The following PPP4R3B variants were observed in gnomAD, a reference collection of about 807,000 sequenced individuals.
PPP4R3B encodes serine/threonine-protein phosphatase 4 regulatory subunit 3B.
PPP4R3B carries 52 observed loss-of-function variants against 95.4 expected under a neutral mutation model. The ratio of observed to expected loss-of-function variants is 0.54; its 90% CI spans 0.44 to 0.69. The LOEUF (loss-of-function observed/expected upper bound fraction) is 0.69. Ranked by LOEUF, PPP4R3B falls within the 30% of genes least tolerant of loss-of-function variation. The pLI is 0.00. For synonymous variants in PPP4R3B, 407 were observed against 343.9 expected (o/e 1.18, Z -2.03); for missense variants, 1,003 against 1,005.9 (o/e 1.00, Z 0.04).
intron 15 of PPP4R3B, among the ~76,000 whole-genome samples, chr2:55,562,378 C>T (rs774379010): frequency 6.6e-5 from 10 of 152,130 alleles, no homozygotes; most frequent in Admixed American, 1.3e-4. Flanking sequence ...GCCGAGATCA[C>T]GCCACTGCAC....
intron 12 of PPP4R3B, among the ~76,000 whole-genome samples, chr2:55,568,602 T>TAACAAC (rs533347598): frequency 6.6e-6 from 1 of 152,116 alleles, no homozygotes; most frequent in African/African-American, 2.4e-5. Context: ...TAGCCAGAAC[T>TAACAAC]AACAACAACA....
At chr2:55,599,269 C>A (rs1024131218) in intron 3 of PPP4R3B, among the ~76,000 whole-genome samples, 2 of 151,904 alleles carry the variant, frequency 1.3e-5, no homozygotes, top group Admixed American at 1.3e-4. Context: ...GAAACCCCAA[C>A]TCCACTAAAA....
intron 9 of PPP4R3B, among the ~76,000 whole-genome samples, chr2:55,578,721 T>C (rs1235069820): frequency 6.6e-6 from 1 of 152,092 alleles, no homozygotes; most frequent in Non-Finnish European, 1.5e-5. Context: ...TACTCAGAAA[T>C]GGAACTGATA....
chr2:55,570,803 G>T (rs181644302), intron 12 of PPP4R3B, among the ~76,000 whole-genome samples: 2 of 152,276 alleles, frequency 1.3e-5, no homozygotes, highest in African/African-American at 4.8e-5. Flanking sequence ...AAACAAGTAT[G>T]GGGAGACGTG....
intron 8 of PPP4R3B, 73 bp from the exon 9 acceptor site, chr2:55,579,854 A>T (rs780563400): frequency 2.2e-6 from 2 of 893,264 alleles, no homozygotes; most frequent in Non-Finnish European, 3.4e-6. Flanking sequence ...AGCAGTACAT[A>T]CCTTTTCCAG....
chr2:55,558,320 G>A (rs547133541), intron 16 of PPP4R3B, among the ~76,000 whole-genome samples: 6 of 152,266 alleles, frequency 3.9e-5, no homozygotes, highest in South Asian at 2.1e-4. Flanking sequence ...AGGGAGGAAG[G>A]ATGCTTACAT....
In PPP4R3B at chr2:55,588,835, C is replaced by T. The variant is rs1474515705; in HGVS notation, c.999+44G>A. On this transcript the variant is annotated intron_variant, in intron 5 of 16. Coordinates refer to ENST00000616407, the MANE Select transcript of PPP4R3B (RefSeq NM_001122964.3). ...ATTCAAGATTAAAAGCTGTGCATGC[C>T]AAAAGAATAAGTGCTCTTTAAGAGT... is the stretch of plus-strand genomic sequence containing the variant. 4.4e-6 allele frequency: 6 copies of T among 1,351,458 alleles called. No individual in the cohort carries two copies. In the Admixed American group the frequency reaches 8.0e-5, roughly 18 times the overall value. The allele number at this position is 1,351,458 out of a possible 1,614,324, so 83.7% of individuals were successfully genotyped here.
rs1692132142 is a variant in PPP4R3B, at chr2:55,598,665, T to A, written c.672A>T (p.Gly224=). ...FSDECIMDVV[G]CLEYDPALAQ... ...CCAAAGCAGGGTCATATTCAAGGCATCCCACGACATCCATGATACACTCAT... is the reference window on the plus strand; with the variant it reads ...CCAAAGCAGGGTCATATTCAAGGCAACCCACGACATCCATGATACACTCAT... The change falls in exon 4 of 17, where the codon GGA becomes GGT. Residue 224 remains glycine, a synonymous_variant. Coordinates refer to ENST00000616407, the MANE Select transcript of PPP4R3B (RefSeq NM_001122964.3). 3 of 1,614,086 alleles carry A rather than the reference T, an allele frequency of 1.9e-6. No individual in the cohort carries two copies. The highest frequency in any genetic ancestry group is 1.7e-6 in the Non-Finnish European group (2 of 1,180,048).
At chr2:55,613,614 T>C (rs144210669) in intron 2 of PPP4R3B, among the ~76,000 whole-genome samples, 8 of 152,242 alleles carry the variant, frequency 5.3e-5, no homozygotes, top group Admixed American at 3.9e-4. Context: ...TTTTAACTTA[T>C]GTTGGGTGAC....
chr2:55,561,392 G>C (rs558312555), intron 15 of PPP4R3B, among the ~76,000 whole-genome samples: 1 of 152,238 alleles, frequency 6.6e-6, no homozygotes, highest in Non-Finnish European at 1.5e-5. Flanking sequence ...TGTGAGGTTG[G>C]AGCCCCCACA....
chr2:55,593,062 G>A (rs1443076139), intron 4 of PPP4R3B, among the ~76,000 whole-genome samples: 1 of 152,182 alleles, frequency 6.6e-6, no homozygotes, highest in African/African-American at 2.4e-5. Context: ...GGAGGCTGAG[G>A]CTTGAGAATC....
At chr2:55,590,759 TA>T (rs1325593547) in intron 4 of PPP4R3B, among the ~76,000 whole-genome samples, 2 of 152,232 alleles carry the variant, frequency 1.3e-5, no homozygotes, top group African/African-American at 2.4e-5. Context: ...CCCTAACATT[TA>T]AAGGATACAC....
chr2:55,614,848 G>C (rs1694676788), intron 2 of PPP4R3B: 1 of 152,090 alleles, frequency 6.6e-6, no homozygotes. Flanking sequence ...GAATAAAAAA[G>C]ATTGAATCAC....
rs574555504 is a variant in PPP4R3B at position 55,573,333 on chromosome 2, T to G, written c.1765+286A>C. On this transcript the variant is annotated intron_variant, in intron 12 of 16. Transcript: ENST00000616407. ...ACTACTAAATGACAGTTTGATGAAG[T>G]AGATGTAAAAAAACAGCAGGACTGG... 1.6e-4 allele frequency among the ~76,000 whole-genome samples: 24 copies of G among 152,214 alleles called. No homozygotes were observed. In the South Asian group the frequency reaches 5.0e-3, roughly 32 times the overall value.
At chr2:55,614,855 T>C (rs1243686926) in intron 2 of PPP4R3B, 1 of 152,194 alleles carries the variant, frequency 6.6e-6, no homozygotes, top group Non-Finnish European at 1.5e-5. Flanking sequence ...AAAGATTGAA[T>C]CACTGCTACC....
At chr2:55,563,403 C>T (rs1686874932) in intron 15 of PPP4R3B, among the ~76,000 whole-genome samples, 1 of 152,140 alleles carries the variant, frequency 6.6e-6, no homozygotes, top group Admixed American at 6.6e-5. Flanking sequence ...GAGATAAGGT[C>T]TTTCTCTGTT....
Position 55,617,402 on chromosome 2 carries a change from G to A in PPP4R3B, c.-117C>T, listed in dbSNP as rs868386722. On this transcript the variant is annotated 5_prime_UTR_variant, in exon 1 of 17. Transcript: ENST00000616407. Reference sequence around the variant, plus strand: ...CGGTGGCGGCGGCGGCGGCTTCGGAGAGGCCCGAATTCACCATGGCTCCAA... The same window carrying A: ...CGGTGGCGGCGGCGGCGGCTTCGGAAAGGCCCGAATTCACCATGGCTCCAA... 8.7e-5 allele frequency: 108 copies of A among 1,242,088 alleles called. No individual in the cohort carries two copies. In the African/African-American group the frequency reaches 1.3e-3, roughly 14 times the overall value. 76.9% of individuals were successfully genotyped at this position (1,242,088 alleles called of 1,614,324 possible).
intron 15 of PPP4R3B, among the ~76,000 whole-genome samples, chr2:55,563,091 T>C (rs1422553296): frequency 6.6e-6 from 1 of 152,258 alleles, no homozygotes; most frequent in African/African-American, 2.4e-5. Flanking sequence ...GTACTGCCTC[T>C]TTTGACAATA....
intron 13 of PPP4R3B, 184 bp downstream of exon 13, chr2:55,568,010 T>C (rs1230604786): frequency 8.7e-6 from 3 of 346,700 alleles, no homozygotes; most frequent in Non-Finnish European, 1.5e-5. Flanking sequence ...ATGTGGCAAA[T>C]AAGAATTAAA....
Sources: allele counts gnomAD v4.1 joint callset (sites outside exome capture counted in the v4.1 genomes callset), GRCh38; gene constraint gnomAD v4.1.1; transcripts MANE v1.5; gene names NCBI Gene and HGNC (gene_info 2026-07-23, HGNC 2026-07-21).